The following CHST11 variants were observed in gnomAD, a reference collection of about 807,000 sequenced individuals.
CHST11 encodes C4S-1.
Under a neutral mutation model 30.4 loss-of-function variants are expected in CHST11, and 9 were observed. The observed-to-expected ratio is 0.30, with a 90% CI of 0.18 to 0.52. CHST11 has a LOEUF of 0.52. Among genes scored for constraint, CHST11 ranks in the 20% least tolerant of loss-of-function variants. CHST11 has a pLI of 0.97. For missense variants in CHST11, 348 were observed against 460.6 expected, an observed-to-expected ratio of 0.76 and a Z score of 2.24; for synonymous variants, 152 against 187.8, an observed-to-expected ratio of 0.81 and a Z score of 1.56.
chr12:104,535,539 G>A (rs1346998241), intron 1 of CHST11, among the ~76,000 whole-genome samples: 1 of 152,180 alleles, frequency 6.6e-6, no homozygotes, highest in Non-Finnish European at 1.5e-5. Flanking sequence ...AATGTGGAAT[G>A]TTGCTTACCT....
At chr12:104,656,400 C>T (rs973450840) in intron 2 of CHST11, among the ~76,000 whole-genome samples, 4 of 152,070 alleles carry the variant, frequency 2.6e-5, no homozygotes, top group African/African-American at 9.7e-5. Flanking sequence ...GGGATGAGGC[C>T]CTGGGTCTGT....
rs184546979 is a variant in CHST11 at position 104,587,812 on chromosome 12, T to G, written c.119-14094T>G. On this transcript the variant is annotated intron_variant, in intron 1 of 2. Coordinates refer to ENST00000303694, the MANE Select transcript of CHST11 (RefSeq NM_018413.6). ...TTATTTATTGTTTCAGACTCTTCAA[T>G]TCGTTAGAGATTAAGTTTGTTTTTT... 1.4e-3 allele frequency among the ~76,000 whole-genome samples: 196 copies of G among 143,650 alleles called. 2 individuals are homozygous for G. The highest frequency in any genetic ancestry group is 4.8e-3 in the African/African-American group (185 of 38,246). The allele number at this position is 143,650 out of a possible 152,430, so 94.2% of individuals were successfully genotyped here.
At chr12:104,619,634 G>A (rs2039141643) in intron 2 of CHST11, among the ~76,000 whole-genome samples, 1 of 152,146 alleles carries the variant, frequency 6.6e-6, no homozygotes, top group Non-Finnish European at 1.5e-5. Context: ...GTGAGTGAAA[G>A]CAAGCCCCAA....
At chr12:104,737,241 C>T (rs1301746755) in intron 2 of CHST11, among the ~76,000 whole-genome samples, 1 of 152,240 alleles carries the variant, frequency 6.6e-6, no homozygotes, top group Non-Finnish European at 1.5e-5. Context: ...TTGCCATCCC[C>T]CGTGGGAATG....
At chr12:104,497,823 G>A (rs2037814373) in intron 1 of CHST11, among the ~76,000 whole-genome samples, 1 of 151,760 alleles carries the variant, frequency 6.6e-6, no homozygotes, top group Admixed American at 6.6e-5. Flanking sequence ...TTCTTCACAA[G>A]CTGATTACAT....
intron 2 of CHST11, among the ~76,000 whole-genome samples, chr12:104,669,939 A>G (rs1016420782): frequency 1.3e-5 from 2 of 152,270 alleles, no homozygotes; most frequent in African/African-American, 2.4e-5. Flanking sequence ...GAGTTGATGC[A>G]TATCAAATAC....
chr12:104,585,073 A>C (rs1486272469), intron 1 of CHST11, among the ~76,000 whole-genome samples: 1 of 152,224 alleles, frequency 6.6e-6, no homozygotes, highest in Non-Finnish European at 1.5e-5. Context: ...AAAATATGGA[A>C]ATGAAATAGG....
intron 1 of CHST11, among the ~76,000 whole-genome samples, chr12:104,531,631 G>A (rs2038186065): frequency 1.3e-5 from 2 of 151,896 alleles, no homozygotes; most frequent in South Asian, 4.1e-4. Flanking sequence ...ATCTCTCTTG[G>A]GAATTCCTCT....
At chr12:104,539,976 A>C (rs947538548) in intron 1 of CHST11, among the ~76,000 whole-genome samples, 1 of 152,160 alleles carries the variant, frequency 6.6e-6, no homozygotes, top group African/African-American at 2.4e-5. Context: ...ACCCAGCCCT[A>C]AAAAGGTGTC....
chr12:104,556,297 G>GC (rs532759471), intron 1 of CHST11, among the ~76,000 whole-genome samples: 2 of 152,088 alleles, frequency 1.3e-5, no homozygotes, highest in Non-Finnish European at 2.9e-5. Context: ...TGGCTCCAAA[G>GC]CCCCCCTTTT....
intron 1 of CHST11, among the ~76,000 whole-genome samples, chr12:104,544,909 G>C (rs114454673): frequency 5.1e-4 from 77 of 152,062 alleles, no homozygotes; most frequent in African/African-American, 1.8e-3. Context: ...CAATTATGTC[G>C]TTTCGAAGTA....
rs544196408 is a variant in CHST11, at chr12:104,600,748, A to C, written c.119-1158A>C. Among the ~76,000 whole-genome samples, 39 of 152,298 alleles carry C rather than the reference A, an allele frequency of 2.6e-4. No homozygotes were observed. The South Asian group carries it at 7.5e-3, about 29-fold the overall frequency. ...ATTCTTTAGGCTCATGAAAGGATCTAGTTTTCCTTGTTCCACTCATGCCAC... is the reference window on the plus strand; with the variant it reads ...ATTCTTTAGGCTCATGAAAGGATCTCGTTTTCCTTGTTCCACTCATGCCAC... On this transcript the variant is annotated intron_variant, in intron 1 of 2. Transcript: ENST00000303694. The surrounding 1 kb of genome is among the most constrained non-coding windows in gnomAD (Gnocchi z 4.1).
intron 1 of CHST11, among the ~76,000 whole-genome samples, chr12:104,532,414 G>A (rs1259921557): frequency 6.6e-6 from 1 of 150,382 alleles, no homozygotes; most frequent in Non-Finnish European, 1.5e-5. Flanking sequence ...TCAAAAACCT[G>A]TAGGTTCCAA....
chr12:104,724,379 G>A (rs1206214770), intron 2 of CHST11, among the ~76,000 whole-genome samples: 1 of 152,134 alleles, frequency 6.6e-6, no homozygotes, highest in African/African-American at 2.4e-5. Flanking sequence ...GGAGATCGGG[G>A]GTTGGTGATG....
At chr12:104,587,339 A>G (rs1054746756) in intron 1 of CHST11, among the ~76,000 whole-genome samples, 2 of 152,194 alleles carry the variant, frequency 1.3e-5, no homozygotes, top group Admixed American at 6.5e-5. Flanking sequence ...AATGTCATCT[A>G]TTTACAGTTA....
At chr12:104,557,823 A>C (rs948567602) in intron 1 of CHST11, among the ~76,000 whole-genome samples, 1 of 152,116 alleles carries the variant, frequency 6.6e-6, no homozygotes, top group African/African-American at 2.4e-5. Flanking sequence ...ATTAATCCTG[A>C]AGCTTCCCCA....
At chr12:104,682,542 C>T (rs2039807296) in intron 2 of CHST11, among the ~76,000 whole-genome samples, 1 of 152,228 alleles carries the variant, frequency 6.6e-6, no homozygotes, top group African/African-American at 2.4e-5. Context: ...TATCAGTTGA[C>T]TCCTGGTTAC....
intron 1 of CHST11, among the ~76,000 whole-genome samples, chr12:104,508,299 G>T (rs1251078148): frequency 1.3e-5 from 2 of 152,170 alleles, no homozygotes; most frequent in Admixed American, 6.6e-5. Context: ...CATGACCCTG[G>T]CAAGTTTCTC....
intron 2 of CHST11, among the ~76,000 whole-genome samples, chr12:104,754,873 A>G (rs58823571): frequency 0.021 from 3,156 of 152,300 alleles, 142 homozygotes; most frequent in East Asian, 0.2. Flanking sequence ...GGCATGTTAT[A>G]GTTCAGCGTG....
Sources: allele counts gnomAD v4.1 joint callset (sites outside exome capture counted in the v4.1 genomes callset), GRCh38; gene constraint gnomAD v4.1.1; non-coding constraint Gnocchi (gnomAD v3.1); transcripts MANE v1.5; gene names NCBI Gene and HGNC (gene_info 2026-07-23, HGNC 2026-07-21).